Variants in SNX29 observed in about 807,000 individuals in gnomAD.
SNX29 encodes sorting nexin-29.
Under a neutral mutation model 102.1 loss-of-function variants are expected in SNX29, and 78 were observed. The ratio of observed to expected loss-of-function variants is 0.76; its 90% CI spans 0.64 to 0.92. The LOEUF (loss-of-function observed/expected upper bound fraction) is 0.92, where lower values mean the gene tolerates loss of function less well. Among genes scored for constraint, SNX29 ranks in the 40% least tolerant of loss-of-function variants. The pLI is 0.00. For synonymous variants in SNX29, 580 were observed against 414.5 expected, an observed-to-expected ratio of 1.40 and a Z score of -4.85; for missense variants, 1,280 against 1,061.7, an observed-to-expected ratio of 1.21 and a Z score of -2.86.
intron 13 of SNX29, among the ~76,000 whole-genome samples, chr16:12,173,230 TGGTTCCAACAGGC>T (rs1283775394): frequency 6.6e-5 from 10 of 152,194 alleles, no homozygotes; most frequent in Non-Finnish European, 1.3e-4. Flanking sequence ...AAGTGGGTTC[TGGTTCCAACAGGC>T]GGTTCCAACA....
At chr16:12,548,741 G>A (rs1268137225) in intron 20 of SNX29, among the ~76,000 whole-genome samples, 1 of 152,154 alleles carries the variant, frequency 6.6e-6, no homozygotes, top group Non-Finnish European at 1.5e-5. Flanking sequence ...GCTCCAAGGT[G>A]TTTTCTGTGC....
chr16:12,123,340 G>A (rs994008534), intron 11 of SNX29, among the ~76,000 whole-genome samples: 1 of 152,050 alleles, frequency 6.6e-6, no homozygotes, highest in Non-Finnish European at 1.5e-5. Context: ...CAGTACCATA[G>A]TATTGTTAGC....
At position 12,569,425 on chromosome 16, in the gene SNX29, G is replaced by T. The variant is rs115824806; in HGVS notation, c.*796G>T. ...CAACCTAGTAACCCGGCGTCATCCA[G>T]CGTGTCCAAAGTAGCATTGGCCCTA... is the stretch of plus-strand genomic sequence containing the variant. On this transcript the variant is annotated 3_prime_UTR_variant, in exon 21 of 21. Transcript: ENST00000566228. 878 of 230,734 alleles carry T rather than the reference G, an allele frequency of 3.8e-3. 7 individuals carry two copies. The highest frequency in any genetic ancestry group is 0.018 in the African/African-American group (817 of 45,296). 14.3% of individuals were successfully genotyped at this position (230,734 alleles called of 1,614,324 possible).
chr16:12,547,416 C>A (rs912955970), intron 20 of SNX29, among the ~76,000 whole-genome samples: 1 of 152,126 alleles, frequency 6.6e-6, no homozygotes, highest in African/African-American at 2.4e-5. Context: ...GTTAGGGGAC[C>A]ATGTGGGCAC....
intron 15 of SNX29, among the ~76,000 whole-genome samples, chr16:12,283,532 G>A (rs1227179652): frequency 6.6e-6 from 1 of 152,016 alleles, no homozygotes; most frequent in East Asian, 1.9e-4. Context: ...TGTTGGTCAG[G>A]ATGGTCTTGA....
At chr16:12,480,165 C>T (rs567311772) in intron 19 of SNX29, among the ~76,000 whole-genome samples, 2 of 152,280 alleles carry the variant, frequency 1.3e-5, no homozygotes, top group South Asian at 2.1e-4. Context: ...TGTCACAAAT[C>T]CCCACAAATG....
intron 4 of SNX29, among the ~76,000 whole-genome samples, chr16:12,034,680 A>G (rs2057426412): frequency 6.6e-6 from 1 of 152,046 alleles, no homozygotes; most frequent in Admixed American, 6.6e-5. Flanking sequence ...ACTGATACCT[A>G]TTGGCCGAAT....
At chr16:11,978,259 A>C (rs1449404822) in intron 1 of SNX29, among the ~76,000 whole-genome samples, 1 of 152,202 alleles carries the variant, frequency 6.6e-6, no homozygotes, top group Non-Finnish European at 1.5e-5. Flanking sequence ...AATGTTAGTA[A>C]TACCTCAGTA....
At chr16:12,011,476 T>C (rs1276944908) in intron 3 of SNX29, among the ~76,000 whole-genome samples, 2 of 152,032 alleles carry the variant, frequency 1.3e-5, no homozygotes, top group African/African-American at 2.4e-5. Context: ...GGTTTAACCA[T>C]GTTGGCCAGG....
chr16:12,535,752 C>G (rs1163447351), intron 20 of SNX29, among the ~76,000 whole-genome samples: 1 of 151,918 alleles, frequency 6.6e-6, no homozygotes, highest in Non-Finnish European at 1.5e-5. Context: ...TCGTCTTCCA[C>G]CACTGTGTGT....
At chr16:12,308,525 G>C (rs1365701781) in intron 15 of SNX29, among the ~76,000 whole-genome samples, 1 of 152,218 alleles carries the variant, frequency 6.6e-6, no homozygotes, top group East Asian at 1.9e-4. Context: ...GGGTGCCATC[G>C]TCATCCCTCC....
intron 11 of SNX29, among the ~76,000 whole-genome samples, chr16:12,101,293 C>G (rs1377735730): frequency 1.6e-5 from 2 of 122,602 alleles, no homozygotes; most frequent in East Asian, 2.9e-4. Flanking sequence ...CTTTGTGGCC[C>G]CCCCCAACTT....
intron 19 of SNX29, among the ~76,000 whole-genome samples, chr16:12,514,105 C>G (rs2151928818): frequency 6.6e-6 from 1 of 152,272 alleles, no homozygotes; most frequent in African/African-American, 2.4e-5. Context: ...TTGATGAGTT[C>G]CACACCTCCC....
chr16:12,466,207 C>A (rs1163902107), intron 18 of SNX29, among the ~76,000 whole-genome samples: 1 of 151,522 alleles, frequency 6.6e-6, no homozygotes, highest in Admixed American at 6.6e-5. Flanking sequence ...GTTAAATTCT[C>A]TCTATTTGCA....
intron 1 of SNX29, among the ~76,000 whole-genome samples, chr16:11,997,162 C>T (rs776047857): frequency 6.6e-6 from 1 of 152,194 alleles, no homozygotes; most frequent in African/African-American, 2.4e-5. Context: ...TTTGATCTTT[C>T]CTTCCACTTT....
intron 20 of SNX29, among the ~76,000 whole-genome samples, chr16:12,542,149 C>G (rs558297573): frequency 6.6e-6 from 1 of 152,262 alleles, no homozygotes; most frequent in African/African-American, 2.4e-5. Context: ...CCCACGCTAC[C>G]TGGGCTCCTG....
chr16:12,078,844 G>T lies in SNX29; in HGVS notation c.1331G>T (p.Ser444Ile). The change falls in exon 11 of 21, where the codon AGC (serine) becomes ATC (isoleucine). Residue 444 changes from serine to isoleucine, a missense_variant. Physicochemically the swap from Ser to Ile is moderately radical, Grantham distance 142. Coordinates refer to ENST00000566228, the MANE Select transcript of SNX29 (RefSeq NM_032167.5). Reference protein sequence around the residue: ...DPGLRYSVEASSPGHGSPLSS... With the variant: ...DPGLRYSVEAISPGHGSPLSS... ...CTGCTTTTTCCTAGTGTGGAAGCCA[G>T]CTCTCCAGGCCACGGAAGTCCTCTG... is the stretch of plus-strand genomic sequence containing the variant. The T allele has an allele frequency of 6.2e-7, 1 of 1,602,844 alleles. No individual in the cohort carries two copies. Among genetic ancestry groups the T allele is most frequent in the Non-Finnish European group, 8.5e-7 (1 of 1,174,832 alleles).
chr16:12,406,268 G>A (rs559284413), intron 18 of SNX29, among the ~76,000 whole-genome samples: 1 of 152,336 alleles, frequency 6.6e-6, no homozygotes, highest in African/African-American at 2.4e-5. Context: ...CAGCCATTGT[G>A]AAAGGGAAAT....
intron 19 of SNX29, among the ~76,000 whole-genome samples, chr16:12,507,813 C>T (rs1002066234): frequency 6.6e-6 from 1 of 152,170 alleles, no homozygotes; most frequent in African/African-American, 2.4e-5. Flanking sequence ...TTGCATTAAA[C>T]TCAAAGGTCT....
Sources: gnomAD v4.1 joint callset for allele counts (sites outside exome capture counted in the v4.1 genomes callset) on GRCh38, gnomAD v4.1.1 for gene constraint, MANE v1.5 for transcripts, NCBI Gene and HGNC (gene_info 2026-07-23, HGNC 2026-07-21) for gene names.